Variants in ARFIP1 observed in about 807,000 individuals in gnomAD.
ARFIP1 encodes arfaptin-1.
Under a neutral mutation model 42.5 loss-of-function variants are expected in ARFIP1, and 24 were observed. The ratio of observed to expected loss-of-function variants is 0.57; its 90% CI spans 0.41 to 0.80. ARFIP1 has a LOEUF of 0.80. Among genes scored for constraint, ARFIP1 ranks in the 30% least tolerant of loss-of-function variants. ARFIP1 has a pLI of 0.00. For missense variants in ARFIP1, 354 were observed against 434.0 expected (o/e 0.82, Z 1.64); for synonymous variants, 141 against 153.7 (o/e 0.92, Z 0.61).
At chr4:152,792,914 T>G (rs1731219729) in intron 1 of ARFIP1, among the ~76,000 whole-genome samples, 1 of 152,114 alleles carries the variant, frequency 6.6e-6, no homozygotes, top group Admixed American at 6.6e-5. Context: ...ACTTTGTAGG[T>G]CTTTGGTTCT....
intron 1 of ARFIP1, among the ~76,000 whole-genome samples, chr4:152,823,843 C>T (rs924232205): frequency 2.7e-5 from 4 of 147,396 alleles, no homozygotes; most frequent in South Asian, 2.1e-4. Context: ...TCCAAAAACT[C>T]GAGAAGGAGG....
chr4:152,852,222 A>G (rs953090302), intron 2 of ARFIP1, among the ~76,000 whole-genome samples: 7 of 152,258 alleles, frequency 4.6e-5, no homozygotes, highest in African/African-American at 1.7e-4. Context: ...TGTTAATTAT[A>G]AATGGGTCCA....
At position 152,870,869 on chromosome 4, in the gene ARFIP1, A is replaced by T. The variant is rs566675051; in HGVS notation, c.298+21A>T. The T allele has an allele frequency of 7.9e-5, 124 of 1,576,446 alleles. 3 individuals carry two copies. The South Asian group carries it at 1.3e-3, about 16-fold the overall frequency. On this transcript the variant is annotated intron_variant, in intron 4 of 8. Coordinates refer to ENST00000353617, the MANE Select transcript of ARFIP1 (RefSeq NM_001025595.3). ...TGCAGGTATTCACTGCACTGATTGGATAAAGCACTTATTGCTACTGCTGAA... is the reference window on the plus strand; with the variant it reads ...TGCAGGTATTCACTGCACTGATTGGTTAAAGCACTTATTGCTACTGCTGAA...
chr4:152,863,707 A>G lies in ARFIP1; in HGVS notation c.195A>G (p.Ala65=). The change falls in exon 3 of 9, where the codon GCA becomes GCG. Residue 65 remains alanine (A), a synonymous_variant. Transcript: ENST00000353617. ...NTKEGVIEAG[A]FQGSPAPPLP... is the part of the protein sequence containing the mutation. Reference sequence around the variant, plus strand: ...AAGAGGGTGTTATTGAAGCAGGAGCATTTCAAGGTAAGAGCCCATATATTT... The same window carrying G: ...AAGAGGGTGTTATTGAAGCAGGAGCGTTTCAAGGTAAGAGCCCATATATTT... The G allele has an allele frequency of 6.3e-7, 1 of 1,595,690 alleles. No individual in the cohort carries two copies. The highest frequency in any genetic ancestry group is 8.6e-7 in the Non-Finnish European group (1 of 1,164,048).
chr4:152,887,098 G>C (rs1467421221), intron 7 of ARFIP1, among the ~76,000 whole-genome samples: 1 of 151,930 alleles, frequency 6.6e-6, no homozygotes, highest in Non-Finnish European at 1.5e-5. Flanking sequence ...TTGTGATTCT[G>C]ATCTTGACTA....
At chr4:152,808,903 G>A (rs779264090) in intron 1 of ARFIP1, among the ~76,000 whole-genome samples, 1 of 151,876 alleles carries the variant, frequency 6.6e-6, no homozygotes, top group Non-Finnish European at 1.5e-5. Flanking sequence ...ACCCCGTGGT[G>A]TTTCACCACA....
At chr4:152,884,625 T>C (rs1381059225) in intron 7 of ARFIP1, among the ~76,000 whole-genome samples, 6 of 152,000 alleles carry the variant, frequency 3.9e-5, no homozygotes, top group Non-Finnish European at 7.4e-5. Flanking sequence ...TCCTGAAATA[T>C]ATTTTCGTTA....
chr4:152,862,853 G>A lies in ARFIP1; in HGVS notation c.94-753G>A, dbSNP rs1039467093. Among the ~76,000 whole-genome samples, 16 of 152,056 alleles carry A rather than the reference G, an allele frequency of 1.1e-4. No homozygotes were observed. In the South Asian group the frequency reaches 2.3e-3, roughly 22 times the overall value. On this transcript the variant is annotated intron_variant, in intron 2 of 8. Coordinates refer to ENST00000353617, the MANE Select transcript of ARFIP1 (RefSeq NM_001025595.3). The stretch of plus-strand genomic sequence containing the variant: ...ACTGTAGCCTCAGCTTTACTTCTTG[G>A]TGATTTTACAGTTTTACTTGGCCTT...
chr4:152,833,906 C>T (rs939809469), intron 2 of ARFIP1, among the ~76,000 whole-genome samples: 5 of 151,948 alleles, frequency 3.3e-5, no homozygotes, highest in Admixed American at 2.0e-4. Context: ...TAAAGAAATA[C>T]CTGAGGCTAG....
chr4:152,895,789 T>C (rs1313992032), intron 8 of ARFIP1, among the ~76,000 whole-genome samples: 2 of 152,072 alleles, frequency 1.3e-5, no homozygotes, highest in Admixed American at 1.3e-4. Context: ...TTCAAACTCC[T>C]GGCCTCAAGC....
At chr4:152,820,003 C>T (rs1367255590) in intron 1 of ARFIP1, among the ~76,000 whole-genome samples, 1 of 152,112 alleles carries the variant, frequency 6.6e-6, no homozygotes, top group Non-Finnish European at 1.5e-5. Context: ...GTATGTGTAA[C>T]ATCAGCATTC....
chr4:152,784,689 A>T lies in ARFIP1; in HGVS notation c.-10+4463A>T, dbSNP rs6827532. Among the ~76,000 whole-genome samples the T allele has an allele frequency of 4.4e-3, 676 of 152,384 alleles. 4 individuals are homozygous for T. Among genetic ancestry groups the T allele is most frequent in the African/African-American group, 0.015 (634 of 41,598 alleles). The stretch of plus-strand genomic sequence containing the variant: ...TCGTGACCTCAGTCACCAGAATCTG[A>T]ATAACTTTGGGTATTTGGAAAAAAT... On this transcript the variant is annotated intron_variant, in intron 1 of 8. Transcript: ENST00000353617.
At chr4:152,867,539 G>T (rs985892806) in intron 3 of ARFIP1, among the ~76,000 whole-genome samples, 1 of 151,324 alleles carries the variant, frequency 6.6e-6, no homozygotes, top group East Asian at 2.2e-4. Flanking sequence ...AGACGGGAGA[G>T]GGGAGAGGGG....
intron 4 of ARFIP1, 50 bp from the exon 5 acceptor site, chr4:152,872,402 C>A: frequency 8.1e-7 from 1 of 1,231,132 alleles, no homozygotes; most frequent in African/African-American, 1.5e-5. Flanking sequence ...TGTTTTCTTT[C>A]CCTGCTTGTC....
intron 2 of ARFIP1, among the ~76,000 whole-genome samples, chr4:152,859,575 T>C (rs1733712863): frequency 6.6e-6 from 1 of 152,188 alleles, no homozygotes; most frequent in Non-Finnish European, 1.5e-5. Context: ...AAATTCTCTT[T>C]AGCAGCCTTT....
intron 4 of ARFIP1, among the ~76,000 whole-genome samples, chr4:152,871,598 T>G (rs1054416117): frequency 1.1e-4 from 4 of 35,694 alleles, no homozygotes; most frequent in African/African-American, 5.5e-4. Context: ...AAGAAATTTT[T>G]GGGGATTTTT....
chr4:152,869,585 A>AC (rs1354892870), intron 3 of ARFIP1, among the ~76,000 whole-genome samples: 1 of 147,620 alleles, frequency 6.8e-6, no homozygotes, highest in Non-Finnish European at 1.5e-5. Flanking sequence ...AGTAGCTGGG[A>AC]CTACAGGCTT....
At chr4:152,871,672 G>A (rs1460772810) in intron 4 of ARFIP1, among the ~76,000 whole-genome samples, 1 of 151,590 alleles carries the variant, frequency 6.6e-6, no homozygotes, top group African/African-American at 2.4e-5. Flanking sequence ...TTATTAGAAA[G>A]TTTCCATCCA....
intron 8 of ARFIP1, among the ~76,000 whole-genome samples, chr4:152,893,299 CAAA>C (rs1737017930): frequency 6.9e-6 from 1 of 144,092 alleles, no homozygotes; most frequent in Non-Finnish European, 1.6e-5. Context: ...TTCATGAGGC[CAAA>C]GCATAGTCTC....
Sources: gnomAD v4.1 joint callset for allele counts (sites outside exome capture counted in the v4.1 genomes callset) on GRCh38, gnomAD v4.1.1 for gene constraint, MANE v1.5 for transcripts, NCBI Gene and HGNC (gene_info 2026-07-23, HGNC 2026-07-21) for gene names.